RALGPS2: variants seen among roughly 807,000 people sequenced by gnomAD.
RALGPS2 encodes ras-specific guanine nucleotide-releasing factor RalGPS2.
Under a neutral mutation model 86.8 loss-of-function variants are expected in RALGPS2, and 43 were observed. The ratio of observed to expected loss-of-function variants is 0.50; its 90% CI spans 0.39 to 0.64. The LOEUF (loss-of-function observed/expected upper bound fraction) is 0.64, where lower values mean the gene tolerates loss of function less well. Among genes scored for constraint, RALGPS2 ranks in the 30% least tolerant of loss-of-function variants. RALGPS2 has a pLI of 0.00. For synonymous variants in RALGPS2, 243 were observed against 231.3 expected (o/e 1.05, Z -0.46); for missense variants, 536 against 694.6 (o/e 0.77, Z 2.57).
rs71108081 is a variant in RALGPS2, at chr1:178,856,394, ATTTTT to A, written c.608-21076_608-21072del. Among the ~76,000 whole-genome samples, 187 of 36,368 alleles carry A rather than the reference ATTTTT, an allele frequency of 5.1e-3. 1 individual carries two copies. Among genetic ancestry groups the A allele is most frequent in the African/African-American group, 0.023 (159 of 6,814 alleles). 23.9% of individuals were successfully genotyped at this position (36,368 alleles called of 152,430 possible). On this transcript the variant is annotated intron_variant, in intron 8 of 19. Transcript: ENST00000367635. ...AGGCAAGTGCCACCCTGCCTGGCTA[ATTTTT>A]TTTTTTTTTTTTTTTTTTTTTTTTT...
chr1:178,775,427 T>A (rs944306822), intron 1 of RALGPS2, among the ~76,000 whole-genome samples: 2 of 152,164 alleles, frequency 1.3e-5, no homozygotes, highest in Admixed American at 6.5e-5. Context: ...TATAGACACT[T>A]ACCATTTCTC....
intron 1 of RALGPS2, among the ~76,000 whole-genome samples, chr1:178,734,614 A>G (rs1428075259): frequency 6.6e-6 from 1 of 152,258 alleles, no homozygotes; most frequent in Non-Finnish European, 1.5e-5. Flanking sequence ...CAGTGTTGCC[A>G]TAATATTTGA....
chr1:178,780,046 AT>A (rs1439630726), intron 2 of RALGPS2, among the ~76,000 whole-genome samples: 1 of 152,122 alleles, frequency 6.6e-6, no homozygotes, highest in Admixed American at 6.6e-5. Context: ...TGTGTTGTTA[AT>A]TTTTGCCCAC....
At chr1:178,758,799 A>G (rs1652081811) in intron 1 of RALGPS2, among the ~76,000 whole-genome samples, 1 of 152,154 alleles carries the variant, frequency 6.6e-6, no homozygotes, top group Non-Finnish European at 1.5e-5. Context: ...CCATACGTTC[A>G]TCTGTTGATG....
At chr1:178,728,079 C>T (rs1444288381) in intron 1 of RALGPS2, among the ~76,000 whole-genome samples, 5 of 152,106 alleles carry the variant, frequency 3.3e-5, no homozygotes. Flanking sequence ...AAACATTCTA[C>T]CTGAAGTCAG....
chr1:178,865,558 T>C (rs1163340795), intron 8 of RALGPS2: 2 of 1,614,136 alleles, frequency 1.2e-6, no homozygotes, highest in East Asian at 2.2e-5. Context: ...TAATGGTACT[T>C]GCATCTTGCC....
At chr1:178,908,906 A>G (rs1477623165) in intron 19 of RALGPS2, among the ~76,000 whole-genome samples, 2 of 152,130 alleles carry the variant, frequency 1.3e-5, no homozygotes, top group Non-Finnish European at 2.9e-5. Flanking sequence ...GAAGCTCTCT[A>G]ATTAGGTCCT....
At chr1:178,870,923 T>C (rs1658717645) in intron 8 of RALGPS2, 1 of 152,132 alleles carries the variant, frequency 6.6e-6, no homozygotes, top group Admixed American at 6.6e-5. Flanking sequence ...TCAATTGAAT[T>C]TGACAAGCCA....
chr1:178,797,005 A>G (rs1372999515), intron 4 of RALGPS2, among the ~76,000 whole-genome samples: 1 of 152,202 alleles, frequency 6.6e-6, no homozygotes, highest in Non-Finnish European at 1.5e-5. Flanking sequence ...TTTAAGGGGT[A>G]TCAAGGCTGC....
chr1:178,821,337 T>A (rs901024430), intron 6 of RALGPS2, among the ~76,000 whole-genome samples: 1 of 152,210 alleles, frequency 6.6e-6, no homozygotes, highest in African/African-American at 2.4e-5. Flanking sequence ...AACTTGATAA[T>A]GAGACATAAC....
chr1:178,824,861 A>G (rs1241770949), intron 7 of RALGPS2, among the ~76,000 whole-genome samples: 2 of 152,150 alleles, frequency 1.3e-5, no homozygotes, highest in Admixed American at 6.5e-5. Context: ...ACAGCAGGGA[A>G]GGGAACACAT....
In RALGPS2 at chr1:178,918,143, G is replaced by T. The variant is rs1660872721; in HGVS notation, c.*1784G>T. On this transcript the variant is annotated 3_prime_UTR_variant, in exon 20 of 20. Transcript: ENST00000367635. ...TAACAGAAATACCATTATTTCTGGG[G>T]TTTAGTGACACAGGCTGGAGAGGAC... The T allele has an allele frequency of 6.6e-6, 1 of 152,110 alleles. No homozygotes were observed. The highest frequency in any genetic ancestry group is 1.5e-5 in the Non-Finnish European group (1 of 67,978). The allele number at this position is 152,110 out of a possible 1,614,324, so 9.4% of individuals were successfully genotyped here.
chr1:178,892,320 T>C lies in RALGPS2; in HGVS notation c.1325+13T>C. ...TGAAGGCCAGCAGGTACAATTCCCC[T>C]GCATTCAGGGGTCACAGAACTCCCT... On this transcript the variant is annotated intron_variant, in intron 15 of 19. Transcript: ENST00000367635. 1 of 1,609,944 alleles carries C rather than the reference T, an allele frequency of 6.2e-7. No homozygotes were observed. Among genetic ancestry groups the C allele is most frequent in the Non-Finnish European group, 8.5e-7 (1 of 1,176,700 alleles).
chr1:178,806,430 A>C (rs1038250590), intron 4 of RALGPS2, among the ~76,000 whole-genome samples: 5 of 151,978 alleles, frequency 3.3e-5, no homozygotes, highest in African/African-American at 4.8e-5. Flanking sequence ...TTTGTTTTTG[A>C]ATCTCTGATC....
intron 8 of RALGPS2, among the ~76,000 whole-genome samples, chr1:178,862,349 A>G (rs1658083248): frequency 6.6e-6 from 1 of 152,180 alleles, no homozygotes; most frequent in African/African-American, 2.4e-5. Context: ...CACCAAATCA[A>G]CTAACACATA....
chr1:178,755,625 T>C (rs1351594382), intron 1 of RALGPS2, among the ~76,000 whole-genome samples: 1 of 152,270 alleles, frequency 6.6e-6, no homozygotes, highest in African/African-American at 2.4e-5. Context: ...ATGTCTTTGC[T>C]ATTGTGAATA....
At chr1:178,848,462 C>T (rs191144414) in intron 8 of RALGPS2, among the ~76,000 whole-genome samples, 1 of 152,272 alleles carries the variant, frequency 6.6e-6, no homozygotes, top group Non-Finnish European at 1.5e-5. Context: ...TTACCTACCA[C>T]ACAAATGAGC....
chr1:178,756,556 C>G (rs776054365), intron 1 of RALGPS2, among the ~76,000 whole-genome samples: 3 of 152,126 alleles, frequency 2.0e-5, no homozygotes, highest in Admixed American at 6.6e-5. Flanking sequence ...TGGTTACTTA[C>G]TGTAGCCTTA....
chr1:178,729,287 A>G (rs1650204494), intron 1 of RALGPS2, among the ~76,000 whole-genome samples: 1 of 152,004 alleles, frequency 6.6e-6, no homozygotes, highest in Non-Finnish European at 1.5e-5. Context: ...TTATTTTTAC[A>G]TCATTGGTTT....
Sources: gnomAD v4.1 joint callset for allele counts (sites outside exome capture counted in the v4.1 genomes callset) on GRCh38, gnomAD v4.1.1 for gene constraint, MANE v1.5 for transcripts, NCBI Gene and HGNC (gene_info 2026-07-23, HGNC 2026-07-21) for gene names.